Variants in HADH observed in about 807,000 individuals in gnomAD.
HADH encodes hydroxyacyl-coenzyme A dehydrogenase, mitochondrial.
HADH carries 24 observed loss-of-function variants against 32.2 expected under a neutral mutation model. The ratio of observed to expected loss-of-function variants is 0.75; its 90% CI spans 0.54 to 1.05. The LOEUF (loss-of-function observed/expected upper bound fraction) is 1.05, where lower values mean the gene tolerates loss of function less well. HADH is among the 50% of genes least tolerant of loss of function. The probability of loss-of-function intolerance (pLI) is 0.00; values close to 1 mark genes in which losing one functional copy is unlikely to be tolerated. For missense variants in HADH, 350 were observed against 397.1 expected (o/e 0.88, Z 1.01); for synonymous variants, 139 against 152.5 (o/e 0.91, Z 0.65).
intron 7 of HADH, 128 bp from the exon 8 acceptor site, chr4:108,034,111 C>T (rs1449424972): frequency 2.0e-5 from 15 of 765,616 alleles, no homozygotes; most frequent in South Asian, 1.2e-4. Context: ...CAGTGGTGGC[C>T]GGAGGGGCGC....
intron 1 of HADH, among the ~76,000 whole-genome samples, chr4:107,990,618 T>C (rs1366944524): frequency 6.6e-6 from 1 of 152,230 alleles, no homozygotes; most frequent in African/African-American, 2.4e-5. Context: ...TCATGACTTT[T>C]GTAGCACTTT....
Position 108,014,502 on chromosome 4 carries a change from CA to C in HADH, c.334del (p.Ser112AlafsTer13). 1 of 1,614,060 alleles carries C rather than the reference CA, an allele frequency of 6.2e-7. No individual in the cohort carries two copies. Among genetic ancestry groups the C allele is most frequent in the Non-Finnish European group, 8.5e-7 (1 of 1,179,922 alleles). On this transcript the variant is annotated frameshift_variant, in exon 3 of 8. Transcript: ENST00000309522. LOFTEE classifies it high-confidence loss of function. ...GCACGGATGCAGCCTCCGTTGTCCA[CA>C]GCACAGACTTGGTGGTGGAAGCCAT... ...TSTDAASVVHSTDLVVEAIVE... is the reference protein window; with the variant it reads ...TSTDAASVVHXTDLVVEAIVE...
chr4:108,029,124 C>A, intron 6 of HADH: 1 of 375,770 alleles, frequency 2.7e-6, no homozygotes. Flanking sequence ...TGCTGCTTCC[C>A]TACTGCACAC....
Position 108,023,517 on chromosome 4 carries a change from T to C in HADH, c.590T>C (p.Leu197Ser). The change falls in exon 5 of 8, where the codon TTG (leucine) becomes TCG (serine). Residue 197 changes from leucine to serine, a missense_variant. By Grantham distance (145) the Leu-to-Ser change is moderately radical. Coordinates refer to ENST00000309522, the MANE Select transcript of HADH (RefSeq NM_005327.7). ...ACCAGCCAGAAGACATTTGAATCTT[T>C]GGTAGACTTTAGCAAAGCCCTAGGA... ...PMTSQKTFES[L>S]VDFSKALGKH... The C allele has an allele frequency of 6.2e-7, 1 of 1,612,630 alleles. No homozygotes were observed. Among genetic ancestry groups the C allele is most frequent in the South Asian group, 1.1e-5 (1 of 91,034 alleles).
intron 1 of HADH, among the ~76,000 whole-genome samples, chr4:107,990,894 C>T (rs1392818141): frequency 8.6e-5 from 13 of 151,990 alleles, no homozygotes; most frequent in Admixed American, 2.0e-4. Flanking sequence ...GGATTACAGG[C>T]GCCCCGCCCG....
In HADH at chr4:107,990,034, C is replaced by T; in HGVS notation, c.102C>T (p.Gly34=). ...TCGTCAAGCACGTGACGGTCATCGG[C>T]GGCGGGCTGATGGGCGCCGGCATTG... ...KIIVKHVTVI[G]GGLMGAGIAQ... is the part of the protein sequence containing the mutation. The change falls in exon 1 of 8, where the codon GGC becomes GGT. Residue 34 remains glycine, a synonymous_variant. Coordinates refer to ENST00000309522, the MANE Select transcript of HADH (RefSeq NM_005327.7). 1.9e-6 allele frequency: 3 copies of T among 1,611,242 alleles called. No individual in the cohort carries two copies. Among genetic ancestry groups the T allele is most frequent in the Non-Finnish European group, 2.5e-6 (3 of 1,179,216 alleles).
chr4:108,010,156 G>T (rs1735439998), intron 2 of HADH, among the ~76,000 whole-genome samples: 1 of 152,050 alleles, frequency 6.6e-6, no homozygotes, highest in South Asian at 2.1e-4. Context: ...TACAGGTGGT[G>T]AACTCATTCT....
chr4:108,005,457 TG>T, intron 1 of HADH: 1 of 158,018 alleles, frequency 6.3e-6, no homozygotes, highest in African/African-American at 2.4e-5. Context: ...TGCTAAAGAA[TG>T]GGGCCTCACA....
At chr4:108,012,473 AACC>A (rs1298433158) in intron 2 of HADH, among the ~76,000 whole-genome samples, 1 of 152,206 alleles carries the variant, frequency 6.6e-6, no homozygotes, top group East Asian at 1.9e-4. Context: ...GGTCATTTAT[AACC>A]TGACACGTCC....
At chr4:108,021,539 A>AT (rs911635134) in intron 4 of HADH, among the ~76,000 whole-genome samples, 4 of 151,796 alleles carry the variant, frequency 2.6e-5, no homozygotes, top group South Asian at 2.1e-4. Flanking sequence ...ATATATATGT[A>AT]TTTTTTTTCA....
chr4:108,008,365 C>T (rs1250205364), intron 1 of HADH, among the ~76,000 whole-genome samples: 2 of 152,326 alleles, frequency 1.3e-5, no homozygotes, highest in East Asian at 3.9e-4. Flanking sequence ...TGCAGGTCCA[C>T]AGGCTCAGAC....
At chr4:108,020,151 C>T (rs1452518560) in intron 4 of HADH, among the ~76,000 whole-genome samples, 1 of 152,158 alleles carries the variant, frequency 6.6e-6, no homozygotes, top group African/African-American at 2.4e-5. Flanking sequence ...AGGTACATCT[C>T]CTGTGCATTG....
chr4:108,003,749 G>C (rs1185693302), intron 1 of HADH, among the ~76,000 whole-genome samples: 4 of 151,934 alleles, frequency 2.6e-5, no homozygotes, highest in Non-Finnish European at 5.9e-5. Flanking sequence ...TTAGAAGGCT[G>C]TGCCTGGATC....
At chr4:107,999,673 A>G (rs1017125686) in intron 1 of HADH, among the ~76,000 whole-genome samples, 2 of 152,216 alleles carry the variant, frequency 1.3e-5, no homozygotes, top group Non-Finnish European at 2.9e-5. Flanking sequence ...TGTTCATTTC[A>G]TGAGTATGAA....
chr4:108,004,089 A>G (rs918287684), intron 1 of HADH, among the ~76,000 whole-genome samples: 22 of 152,220 alleles, frequency 1.4e-4, no homozygotes, highest in African/African-American at 5.1e-4. Context: ...GCATGTGAGC[A>G]GGCAGCTTGA....
intron 2 of HADH, among the ~76,000 whole-genome samples, chr4:108,010,868 T>C (rs1364930434): frequency 6.9e-6 from 1 of 145,800 alleles, no homozygotes; most frequent in Non-Finnish European, 1.5e-5. Context: ...TTTTTTTTTT[T>C]CTGAGACAGA....
intron 4 of HADH, among the ~76,000 whole-genome samples, 183 bp from the exon 5 acceptor site, chr4:108,023,291 C>G (rs1042814299): frequency 2.5e-4 from 38 of 152,282 alleles, no homozygotes; most frequent in African/African-American, 8.2e-4. Context: ...CACATTTGGC[C>G]TCTGTTTTAA....
intron 1 of HADH, among the ~76,000 whole-genome samples, chr4:108,001,954 G>C (rs1452375431): frequency 6.6e-6 from 1 of 152,306 alleles, no homozygotes; most frequent in Admixed American, 6.5e-5. Flanking sequence ...AAGCTACTCT[G>C]ATAGGAATGT....
At chr4:108,014,299 T>C in intron 2 of HADH, 132 bp from the exon 3 acceptor site, 1 of 937,880 alleles carries the variant, frequency 1.1e-6, no homozygotes, top group Non-Finnish European at 1.7e-6. Context: ...CGTGGACACT[T>C]TGAGAACAGA....
Sources: gnomAD v4.1 joint callset for allele counts (sites outside exome capture counted in the v4.1 genomes callset) on GRCh38, gnomAD v4.1.1 for gene constraint, MANE v1.5 for transcripts, NCBI Gene and HGNC (gene_info 2026-07-23, HGNC 2026-07-21) for gene names.